Variants in UBE2D3 observed in about 807,000 individuals in gnomAD.
UBE2D3 encodes the protein ubiquitin-conjugating enzyme E2 D3.
Under a neutral mutation model 22.8 loss-of-function variants are expected in UBE2D3, and 2 were observed. That is an observed-to-expected ratio of 0.09 (90% CI 0.04 to 0.28). The LOEUF (loss-of-function observed/expected upper bound fraction) is 0.28, where lower values mean the gene tolerates loss of function less well. Among genes scored for constraint, UBE2D3 ranks in the 10% least tolerant of loss-of-function variants. The pLI, the probability that UBE2D3 is intolerant of heterozygous loss-of-function variation, is 1.00. For missense variants in UBE2D3, 27 were observed against 182.5 expected, an observed-to-expected ratio of 0.15 and a Z score of 4.91; for synonymous variants, 56 against 60.4, an observed-to-expected ratio of 0.93 and a Z score of 0.34.
intron 6 of UBE2D3, among the ~76,000 whole-genome samples, chr4:102,799,742 T>C (rs1361218488): frequency 6.6e-6 from 1 of 150,522 alleles, no homozygotes; most frequent in Non-Finnish European, 1.5e-5. Context: ...AAAAATAGTT[T>C]CTAAGATAGG....
chr4:102,820,572 A>C (rs1219972156), intron 2 of UBE2D3, among the ~76,000 whole-genome samples: 1 of 152,172 alleles, frequency 6.6e-6, no homozygotes, highest in Non-Finnish European at 1.5e-5. Context: ...GAATATTACT[A>C]ATTTTCTTTC....
chr4:102,827,010 C>A (rs1372411381), intron 1 of UBE2D3: 2 of 994,738 alleles, frequency 2.0e-6, no homozygotes, highest in African/African-American at 3.5e-5. Flanking sequence ...CATAAGACTC[C>A]GGACGGACGC....
intron 1 of UBE2D3, among the ~76,000 whole-genome samples, chr4:102,842,502 G>A (rs962667677): frequency 6.6e-6 from 1 of 151,754 alleles, no homozygotes; most frequent in African/African-American, 2.4e-5. Flanking sequence ...GTTGCAGTGA[G>A]CTATGATGAG....
At chr4:102,802,333 C>T (rs1364690112) in intron 5 of UBE2D3, 7 of 338,006 alleles carry the variant, frequency 2.1e-5, no homozygotes, top group Non-Finnish European at 3.7e-5. Flanking sequence ...GAAGCTTCCA[C>T]ATGGTCTGAA....
At position 102,802,535 on chromosome 4, in the gene UBE2D3, A is replaced by G. The variant is rs371315816; in HGVS notation, c.198+26T>C. 4.5e-6 allele frequency: 7 copies of G among 1,565,338 alleles called. No individual in the cohort carries two copies. The African/African-American group carries it at 9.6e-5, about 21-fold the overall frequency. The stretch of plus-strand genomic sequence containing the variant: ...TTGAAATAAAGCATAAATCTATACT[A>G]ACAGATTTTGAGGGAAAATACTTGC... On this transcript the variant is annotated intron_variant, in intron 5 of 7. Transcript: ENST00000453744.
At chr4:102,867,535 G>T (rs1403567515) in intron 1 of UBE2D3, among the ~76,000 whole-genome samples, 1 of 152,148 alleles carries the variant, frequency 6.6e-6, no homozygotes, top group Non-Finnish European at 1.5e-5. Flanking sequence ...TATTTCAAGG[G>T]AGTGAAATTT....
chr4:102,840,643 A>T lies in UBE2D3; in HGVS notation c.-128-14007T>A, dbSNP rs563347264. ...ATACAGTGAGATATGGAACAAAGGA[A>T]TGTTTAATAGCAGAGTAGGGTAACT... On this transcript the variant is annotated intron_variant, in intron 1 of 7. Coordinates refer to the UBE2D3 transcript ENST00000338145. Among the ~76,000 whole-genome samples, 359 of 152,266 alleles carry T rather than the reference A, an allele frequency of 2.4e-3. 1 individual carries two copies. The highest frequency in any genetic ancestry group is 3.6e-3 in the Non-Finnish European group (245 of 68,016).
chr4:102,827,803 G>C, upstream of UBE2D3: 1 of 986,358 alleles, frequency 1.0e-6, no homozygotes, highest in Non-Finnish European at 1.2e-6. Flanking sequence ...GAGCTGGGGG[G>C]AGGGTGAACG....
At chr4:102,833,163 C>A (rs1731208100) in intron 1 of UBE2D3, among the ~76,000 whole-genome samples, 1 of 146,450 alleles carries the variant, frequency 6.8e-6, no homozygotes, top group Non-Finnish European at 1.5e-5. Flanking sequence ...TTTTGCAAAT[C>A]AAATCTCCTC....
chr4:102,849,542 AG>A (rs1356551210), intron 1 of UBE2D3, among the ~76,000 whole-genome samples: 1 of 152,160 alleles, frequency 6.6e-6, no homozygotes, highest in Admixed American at 6.5e-5. Context: ...AAAATCAGTA[AG>A]AAAAAGAATG....
At chr4:102,816,168 T>C (rs898267326) in intron 2 of UBE2D3, among the ~76,000 whole-genome samples, 8 of 152,226 alleles carry the variant, frequency 5.3e-5, no homozygotes, top group African/African-American at 1.9e-4. Flanking sequence ...CCAAATCATG[T>C]GACTGTAGTC....
upstream of UBE2D3, among the ~76,000 whole-genome samples, chr4:102,830,856 C>G (rs1374626264): frequency 6.6e-6 from 1 of 152,142 alleles, no homozygotes; most frequent in Non-Finnish European, 1.5e-5. Context: ...GGAGCAAGAC[C>G]CTGTCTCAGA....
At chr4:102,811,824 T>C (rs1364454971) in intron 2 of UBE2D3, 1 of 433,878 alleles carries the variant, frequency 2.3e-6, no homozygotes, top group Non-Finnish European at 4.5e-6. Context: ...CGAGACCAGC[T>C]TGGATAACAT....
intron 2 of UBE2D3, among the ~76,000 whole-genome samples, chr4:102,822,762 T>TCTACTAAAAAAACAAAAAAATTA (rs1729819394): frequency 6.8e-6 from 1 of 147,268 alleles, no homozygotes; most frequent in Admixed American, 6.8e-5. Context: ...GGTGAAACCC[T>TCTACTAAAAAAACAAAAAAATTA]GCCTCTACTA....
At chr4:102,865,061 AC>A (rs1166163873) in intron 1 of UBE2D3, among the ~76,000 whole-genome samples, 1 of 152,216 alleles carries the variant, frequency 6.6e-6, no homozygotes, top group Non-Finnish European at 1.5e-5. Context: ...TAAGTTTAAA[AC>A]TTTTAGCAAA....
At chr4:102,826,823 T>C (rs1470598094) in intron 1 of UBE2D3, 187 bp from the exon 2 acceptor site, 3 of 1,198,240 alleles carry the variant, frequency 2.5e-6, no homozygotes, top group African/African-American at 1.6e-5. Flanking sequence ...AGGTGGTGGC[T>C]ACAAGTTTAA....
intron 4 of UBE2D3, among the ~76,000 whole-genome samples, chr4:102,804,115 C>CT (rs1406339119): frequency 5.7e-4 from 86 of 150,332 alleles, no homozygotes; most frequent in African/African-American, 1.4e-3. Flanking sequence ...AGTCTTCCCC[C>CT]TTTTTTTTTG....
At chr4:102,801,731 T>G in intron 5 of UBE2D3, 172 bp from the exon 6 acceptor site, 1 of 523,602 alleles carries the variant, frequency 1.9e-6, no homozygotes, top group Non-Finnish European at 3.3e-6. Flanking sequence ...CTCCTCTTTT[T>G]ACAACAGAAA....
At chr4:102,808,406 T>C (rs1256361150) in intron 4 of UBE2D3, among the ~76,000 whole-genome samples, 1 of 152,212 alleles carries the variant, frequency 6.6e-6, no homozygotes, top group African/African-American at 2.4e-5. Context: ...GCCAGGATTG[T>C]GCATTTCGTT....
Sources: allele counts gnomAD v4.1 joint callset (sites outside exome capture counted in the v4.1 genomes callset), GRCh38; gene constraint gnomAD v4.1.1; transcripts MANE v1.5; gene names NCBI Gene and HGNC (gene_info 2026-07-23, HGNC 2026-07-21).